The following KCNJ1 variants were observed in gnomAD, a reference collection of about 807,000 sequenced individuals.
The protein encoded by KCNJ1 is ATP-sensitive inward rectifier potassium channel 1.
A neutral mutation model predicts 21.9 loss-of-function variants in KCNJ1; 24 were observed. That is an observed-to-expected ratio of 1.10 (90% CI 0.79 to 1.54). The LOEUF (loss-of-function observed/expected upper bound fraction) is 1.54, where lower values mean the gene tolerates loss of function less well. Ranked by LOEUF, KCNJ1 falls within the 40% of genes most tolerant of loss-of-function variation. The probability of loss-of-function intolerance (pLI) is 0.00; values close to 1 mark genes in which losing one functional copy is unlikely to be tolerated. For missense variants in KCNJ1, 457 were observed against 455.4 expected (o/e 1.00, Z -0.03); for synonymous variants, 152 against 160.9 (o/e 0.94, Z 0.42).
chr11:128,859,488 A>G (rs533187314), intron 1 of KCNJ1, among the ~76,000 whole-genome samples: 138 of 152,316 alleles, frequency 9.1e-4, no homozygotes, highest in Non-Finnish European at 1.8e-3. Flanking sequence ...GCCTCCAGCA[A>G]TTCTCCTGCC....
chr11:128,862,069 T>C (rs899850423), intron 1 of KCNJ1, among the ~76,000 whole-genome samples: 1 of 152,124 alleles, frequency 6.6e-6, no homozygotes, highest in African/African-American at 2.4e-5. Context: ...GCACCGCTCA[T>C]CTTGCTGCAG....
At chr11:128,863,282 G>A (rs1943752584) in intron 1 of KCNJ1, among the ~76,000 whole-genome samples, 1 of 152,358 alleles carries the variant, frequency 6.6e-6, no homozygotes, top group South Asian at 2.1e-4. Context: ...CTGGAGCAGA[G>A]GGAGGGGCAG....
chr11:128,850,147 G>A (rs902948153), intron 2 of KCNJ1, among the ~76,000 whole-genome samples: 1 of 151,948 alleles, frequency 6.6e-6, no homozygotes, highest in African/African-American at 2.4e-5. Context: ...CTATTTCCTC[G>A]GCTGGAAACC....
chr11:128,855,118 A>C (rs953063571), intron 1 of KCNJ1, among the ~76,000 whole-genome samples: 1 of 152,190 alleles, frequency 6.6e-6, no homozygotes. Context: ...AGTTGCTAAG[A>C]AACGTAAGGA....
rs59172778 is a variant in KCNJ1, at chr11:128,839,231, A to G, written c.1013T>C (p.Met338Thr). 15,659 of 1,614,112 alleles carry G rather than the reference A, an allele frequency of 9.7e-3. 88 individuals are homozygous for G. The highest frequency in any genetic ancestry group is 0.012 in the Non-Finnish European group (13,776 of 1,179,982). Reference sequence around the variant, plus strand: ...AACATCTTTCTCATTATAAAGGCACATGGCACAGTGAGGGGTCTCCACTTC... The same window carrying G: ...AACATCTTTCTCATTATAAAGGCACGTGGCACAGTGAGGGGTCTCCACTTC... ...TVEVETPHCA[M>T]CLYNEKDVRA... Residue 338 changes from methionine to threonine, a missense_variant, in exon 3 of 3, where the codon ATG (methionine) becomes ACG (threonine). Transcript: ENST00000392666.
In KCNJ1 at chr11:128,839,461, G is replaced by A. The variant is rs1943233158; in HGVS notation, c.783C>T (p.His261=). Residue 261 remains histidine (H), a synonymous_variant, in exon 3 of 3, where the codon CAC becomes CAT. Coordinates refer to ENST00000392666, the MANE Select transcript of KCNJ1 (RefSeq NM_153766.3). The stretch of plus-strand genomic sequence containing the variant: ...GCTGGAGAAGGGTCTCCGCTGCCAT[G>A]TGGAAGAAAGGGCTGTTGTGATCAA... ...HVIDHNSPFF[H]MAAETLLQQD... is the part of the protein sequence containing the mutation. 2 of 1,614,070 alleles carry A rather than the reference G, an allele frequency of 1.2e-6. No individual in the cohort carries two copies. The highest frequency in any genetic ancestry group is 1.1e-5 in the South Asian group (1 of 91,082).
In KCNJ1 at chr11:128,854,786, C is replaced by T. The variant is rs368716128; in HGVS notation, c.-191-3896G>A. On this transcript the variant is annotated intron_variant, in intron 1 of 2. Coordinates refer to ENST00000392666, the MANE Select transcript of KCNJ1 (RefSeq NM_153766.3). The stretch of plus-strand genomic sequence containing the variant: ...CATCCTAATCTGGATTAGCACAAAT[C>T]GTAATGATCTGTTTGATGACACACC... Among the ~76,000 whole-genome samples, 4 of 152,272 alleles carry T rather than the reference C, an allele frequency of 2.6e-5. No individual in the cohort carries two copies. In the East Asian group the frequency reaches 7.7e-4, roughly 29 times the overall value.
chr11:128,846,186 A>G (rs150958723), intron 2 of KCNJ1, among the ~76,000 whole-genome samples: 1 of 152,278 alleles, frequency 6.6e-6, no homozygotes, highest in African/African-American at 2.4e-5. Context: ...TTTGAACCCT[A>G]TCTCTGCCAC....
intron 2 of KCNJ1, among the ~76,000 whole-genome samples, chr11:128,847,920 G>C (rs1943408806): frequency 6.6e-6 from 1 of 151,922 alleles, no homozygotes; most frequent in South Asian, 2.1e-4. Context: ...CCAGATTGGA[G>C]TGCAGTGGTG....
In KCNJ1 at chr11:128,862,719, T is replaced by C. The variant is rs569127000; in HGVS notation, c.-192+4454A>G. The stretch of plus-strand genomic sequence containing the variant: ...CAGCACAGCGGGGGCTTCCCAGAGG[T>C]CTAAGGTGACCTTAGCCCATGCCTG... On this transcript the variant is annotated intron_variant, in intron 1 of 2. Transcript: ENST00000392666. Among the ~76,000 whole-genome samples the C allele has an allele frequency of 1.7e-4, 26 of 152,240 alleles. 1 individual carries two copies. In the South Asian group the frequency reaches 5.2e-3, roughly 30 times the overall value.
chr11:128,863,763 A>G (rs76327670), intron 1 of KCNJ1, among the ~76,000 whole-genome samples: 2,568 of 152,284 alleles, frequency 0.017, 78 homozygotes, highest in African/African-American at 0.059. Flanking sequence ...TTAGGGCAGA[A>G]CATCTTTGGA....
chr11:128,845,230 G>C (rs1943357358), intron 2 of KCNJ1, among the ~76,000 whole-genome samples: 1 of 152,200 alleles, frequency 6.6e-6, no homozygotes, highest in South Asian at 2.1e-4. Flanking sequence ...AGGAAACAAT[G>C]CAAGGTAACA....
Position 128,838,979 on chromosome 11 carries a change from A to G in KCNJ1, c.*146T>C, listed in dbSNP as rs1449886495. On this transcript the variant is annotated 3_prime_UTR_variant, in exon 3 of 3. Coordinates refer to ENST00000392666, the MANE Select transcript of KCNJ1 (RefSeq NM_153766.3). ...GGAGATGCATGTCTTGTGGGATCAC[A>G]ATTGCGGGGCTCAGGGGTCTTTGTG... The G allele has an allele frequency of 1.4e-5, 10 of 697,944 alleles. No homozygotes were observed. Among genetic ancestry groups the G allele is most frequent in the Non-Finnish European group, 2.5e-5 (10 of 401,562 alleles). 43.2% of individuals were successfully genotyped at this position (697,944 alleles called of 1,614,324 possible).
intron 1 of KCNJ1, among the ~76,000 whole-genome samples, chr11:128,857,106 T>C (rs673614): frequency 0.38 from 58,255 of 151,946 alleles, 12,704 homozygotes; most frequent in African/African-American, 0.6. Flanking sequence ...TGCTCTGCAA[T>C]GTGCGGCGCA....
At chr11:128,843,536 T>G (rs1002786482) in intron 2 of KCNJ1, among the ~76,000 whole-genome samples, 1 of 152,172 alleles carries the variant, frequency 6.6e-6, no homozygotes. Context: ...CAAACACTGA[T>G]TGTATGCTTG....
intron 1 of KCNJ1, among the ~76,000 whole-genome samples, chr11:128,853,688 AACACACATGTAAAGTGCCTGTC>A (rs1406384878): frequency 2.0e-5 from 3 of 152,308 alleles, no homozygotes; most frequent in African/African-American, 7.2e-5. Context: ...GGATAGAAAA[AACACACATGTAAAGTGCCTGTC>A]ACACAGTACA....
intron 1 of KCNJ1, among the ~76,000 whole-genome samples, chr11:128,858,964 AGG>A (rs1164866660): frequency 1.3e-5 from 2 of 152,196 alleles, no homozygotes; most frequent in Non-Finnish European, 1.5e-5. Flanking sequence ...CCATGCCACC[AGG>A]CAGGTCACCC....
rs377361512 is a variant in KCNJ1 at position 128,839,583 on chromosome 11, C to G, written c.661G>C (p.Glu221Gln). ...TTGATCTGGTCCAAAATAATGGTCT[C>G]TCCTTCAGGAGTGACTGTGGTCTTC... ...LLKTTVTPEG[E>Q]TIILDQININ... is the part of the protein sequence containing the mutation. The change falls in exon 3 of 3, where the codon GAG becomes CAG. Residue 221 changes from glutamate (E) to glutamine (Q), a missense_variant. Coordinates refer to ENST00000392666, the MANE Select transcript of KCNJ1 (RefSeq NM_153766.3). 1.9e-6 allele frequency: 3 copies of G among 1,614,136 alleles called. No individual in the cohort carries two copies. Among genetic ancestry groups the G allele is most frequent in the Non-Finnish European group, 2.5e-6 (3 of 1,180,014 alleles).
intron 1 of KCNJ1, among the ~76,000 whole-genome samples, chr11:128,865,792 G>A (rs1171466353): frequency 6.6e-6 from 1 of 152,092 alleles, no homozygotes; most frequent in Non-Finnish European, 1.5e-5. Flanking sequence ...GGAAAAGAAC[G>A]TGAATGGGGA....
Sources: allele counts gnomAD v4.1 joint callset (sites outside exome capture counted in the v4.1 genomes callset), GRCh38; gene constraint gnomAD v4.1.1; transcripts MANE v1.5; gene names NCBI Gene and HGNC (gene_info 2026-07-23, HGNC 2026-07-21).